The following KAZN variants were observed in gnomAD, a reference collection of about 807,000 sequenced individuals.
KAZN encodes the protein kazrin, periplakin interacting protein.
KAZN carries 40 observed loss-of-function variants against 87.4 expected under a neutral mutation model. The observed-to-expected ratio is 0.46, with a 90% CI of 0.36 to 0.60. The LOEUF is 0.60. Among genes scored for constraint, KAZN ranks in the 20% least tolerant of loss-of-function variants. KAZN has a pLI of 0.00. For missense variants in KAZN, 898 were observed against 1,073.9 expected, an observed-to-expected ratio of 0.84 and a Z score of 2.29; for synonymous variants, 466 against 458.3, an observed-to-expected ratio of 1.02 and a Z score of -0.22.
chr1:14,092,709 G>C (rs1242115434), intron 1 of KAZN, among the ~76,000 whole-genome samples: 1 of 151,580 alleles, frequency 6.6e-6, no homozygotes, highest in African/African-American at 2.4e-5. Flanking sequence ...CCATCTATTT[G>C]TGCAGAAAAC....
chr1:14,824,825 A>G (rs1646838390), intron 1 of KAZN, among the ~76,000 whole-genome samples: 1 of 152,100 alleles, frequency 6.6e-6, no homozygotes, highest in Non-Finnish European at 1.5e-5. Flanking sequence ...ACTTCCTGAC[A>G]CTTGGTGGCA....
intron 1 of KAZN, among the ~76,000 whole-genome samples, chr1:14,755,412 C>T (rs1644534359): frequency 6.6e-6 from 1 of 152,134 alleles, no homozygotes; most frequent in African/African-American, 2.4e-5. Flanking sequence ...GGGGAAATGT[C>T]TATGAAAGCT....
chr1:15,113,424 T>A (rs1211441078), intron 14 of KAZN: 1 of 151,966 alleles, frequency 6.6e-6, no homozygotes, highest in Non-Finnish European at 1.5e-5. Context: ...CTAAAAAGTC[T>A]CCTTAGGGAG....
At chr1:14,093,289 C>G (rs1335136289) in intron 1 of KAZN, among the ~76,000 whole-genome samples, 1 of 152,198 alleles carries the variant, frequency 6.6e-6, no homozygotes, top group African/African-American at 2.4e-5. Flanking sequence ...AGACCCATGG[C>G]TGGCTCTCTT....
chr1:14,519,564 C>A (rs980585004), intron 2 of KAZN, among the ~76,000 whole-genome samples: 1 of 152,136 alleles, frequency 6.6e-6, no homozygotes, highest in African/African-American at 2.4e-5. Flanking sequence ...GAGAGCTGAC[C>A]TGGGAGAAAG....
chr1:15,066,269 C>G lies in KAZN; in HGVS notation c.1222+516C>G. 4.1e-6 allele frequency: 4 copies of G among 985,692 alleles called. No homozygotes were observed. Among genetic ancestry groups the G allele is most frequent in the Non-Finnish European group, 4.8e-6 (4 of 830,220 alleles). 61.1% of individuals were successfully genotyped at this position (985,692 alleles called of 1,614,324 possible). ...TGTGCACTCTGTGCTTGTAAATGTC[C>G]CTCGTCCAAACCGCTACTCCTGGAG... On this transcript the variant is annotated intron_variant, in intron 8 of 14. Coordinates refer to ENST00000376030, the MANE Select transcript of KAZN (RefSeq NM_201628.3). The surrounding 1 kb of genome is among the most constrained non-coding windows in gnomAD (Gnocchi z 4.3).
chr1:14,051,543 G>A (rs750633528), intron 1 of KAZN, among the ~76,000 whole-genome samples: 1 of 152,204 alleles, frequency 6.6e-6, no homozygotes, highest in Non-Finnish European at 1.5e-5. Flanking sequence ...TGAAAGGTAA[G>A]AAGTCTGACT....
intron 1 of KAZN, among the ~76,000 whole-genome samples, chr1:14,098,847 C>T (rs1328522026): frequency 6.6e-6 from 1 of 152,146 alleles, no homozygotes; most frequent in African/African-American, 2.4e-5. Flanking sequence ...TCATGTATGC[C>T]TTCTGCTTCC....
chr1:14,033,274 G>A (rs542356796), intron 1 of KAZN, among the ~76,000 whole-genome samples: 2 of 152,178 alleles, frequency 1.3e-5, no homozygotes, highest in South Asian at 4.1e-4. Flanking sequence ...TAGCACTCAG[G>A]AGCCACAAGT....
At chr1:15,027,218 A>C (rs1671265992) in intron 2 of KAZN, among the ~76,000 whole-genome samples, 1 of 151,676 alleles carries the variant, frequency 6.6e-6, no homozygotes, top group African/African-American at 2.4e-5. Flanking sequence ...AGTAGCTGGG[A>C]CTACAGGCGC....
intron 2 of KAZN, among the ~76,000 whole-genome samples, chr1:14,543,231 G>A (rs1029318062): frequency 1.3e-5 from 2 of 152,192 alleles, no homozygotes; most frequent in South Asian, 2.1e-4. Context: ...GCAGTGGCAC[G>A]AACATAAGTG....
At chr1:14,370,253 G>C (rs928425432) in intron 2 of KAZN, among the ~76,000 whole-genome samples, 1 of 152,178 alleles carries the variant, frequency 6.6e-6, no homozygotes, top group Non-Finnish European at 1.5e-5. Context: ...AGGAAGAAGT[G>C]GGGAGGACTG....
At chr1:14,637,494 T>G (rs1173887165) in intron 1 of KAZN, among the ~76,000 whole-genome samples, 7 of 152,186 alleles carry the variant, frequency 4.6e-5, no homozygotes, top group Non-Finnish European at 1.0e-4. Context: ...CAAAGGTGGC[T>G]TGACTAAAGA....
At chr1:14,081,032 G>A (rs997585787) in intron 1 of KAZN, among the ~76,000 whole-genome samples, 1 of 151,716 alleles carries the variant, frequency 6.6e-6, no homozygotes, top group Non-Finnish European at 1.5e-5. Flanking sequence ...GCTAGCAAGG[G>A]TTCATTCACC....
chr1:14,081,697 C>T (rs907978536), intron 1 of KAZN, among the ~76,000 whole-genome samples: 1 of 152,148 alleles, frequency 6.6e-6, no homozygotes, highest in African/African-American at 2.4e-5. Context: ...GTGACATCAG[C>T]ACTCAACTTG....
At chr1:14,945,265 G>A (rs1381668259) in intron 1 of KAZN, among the ~76,000 whole-genome samples, 7 of 152,190 alleles carry the variant, frequency 4.6e-5, no homozygotes, top group Admixed American at 6.5e-5. Context: ...GCAGTCCCCC[G>A]TGGCCCAGTC....
intron 2 of KAZN, among the ~76,000 whole-genome samples, chr1:14,578,002 G>A (rs1557812042): frequency 2.6e-5 from 4 of 152,086 alleles, no homozygotes; most frequent in African/African-American, 7.2e-5. Context: ...CCTTGGGAAA[G>A]TGTTTAACCT....
At chr1:14,318,768 G>A (rs1007501598) in intron 2 of KAZN, among the ~76,000 whole-genome samples, 1 of 151,958 alleles carries the variant, frequency 6.6e-6, no homozygotes, top group African/African-American at 2.4e-5. Flanking sequence ...ATGTCTTCAA[G>A]TTCTCTAACT....
At chr1:14,357,735 G>C (rs557072316) in intron 2 of KAZN, among the ~76,000 whole-genome samples, 44 of 152,302 alleles carry the variant, frequency 2.9e-4, no homozygotes, top group Non-Finnish European at 3.1e-4. Context: ...TTATTGATTT[G>C]TGTATGTTGA....
Sources: allele counts gnomAD v4.1 joint callset (sites outside exome capture counted in the v4.1 genomes callset), GRCh38; gene constraint gnomAD v4.1.1; non-coding constraint Gnocchi (gnomAD v3.1); transcripts MANE v1.5; gene names NCBI Gene and HGNC (gene_info 2026-07-23, HGNC 2026-07-21).